Variants in RGS6 observed in about 807,000 individuals in gnomAD.
RGS6 encodes the protein regulator of G protein signaling 6, also known as regulator of G-protein signaling 6.
Under a neutral mutation model 78.5 loss-of-function variants are expected in RGS6, and 30 were observed. The ratio of observed to expected loss-of-function variants is 0.38; its 90% CI spans 0.29 to 0.52. The LOEUF (loss-of-function observed/expected upper bound fraction) is 0.52, where lower values mean the gene tolerates loss of function less well. RGS6 is among the 20% of genes least tolerant of loss of function. The pLI, the probability that RGS6 is intolerant of heterozygous loss-of-function variation, is 0.85. For synonymous variants in RGS6, 206 were observed against 206.0 expected, an observed-to-expected ratio of 1.00 and a Z score of 0.00; for missense variants, 495 against 609.7, an observed-to-expected ratio of 0.81 and a Z score of 1.98.
At chr14:72,184,115 G>A (rs1567406843) in intron 2 of RGS6, among the ~76,000 whole-genome samples, 1 of 151,906 alleles carries the variant, frequency 6.6e-6, no homozygotes, top group Non-Finnish European at 1.5e-5. Context: ...CCTCTACTTA[G>A]CCCAATCTCA....
Position 72,047,269 on chromosome 14 carries a change from T to G in RGS6, c.84+82394T>G, listed in dbSNP as rs555715914. On this transcript the variant is annotated intron_variant, in intron 2 of 17. Coordinates refer to ENST00000553525, the MANE Select transcript of RGS6 (RefSeq NM_001204424.2). ...ATAGAAGCCCATGATTAAACAATGT[T>G]GTTTCTGGAAAGAATAATAGAAATG... Among the ~76,000 whole-genome samples, 6 of 152,292 alleles carry G rather than the reference T, an allele frequency of 3.9e-5. No individual in the cohort carries two copies. The South Asian group carries it at 1.0e-3, about 26-fold the overall frequency.
intron 2 of RGS6, among the ~76,000 whole-genome samples, chr14:72,168,331 C>A (rs2096958314): frequency 6.6e-6 from 1 of 152,118 alleles, no homozygotes; most frequent in South Asian, 2.1e-4. Context: ...GGAATGTAGG[C>A]TCAGGAAAGG....
intron 2 of RGS6, among the ~76,000 whole-genome samples, chr14:72,288,038 C>T (rs847337): frequency 3.3e-5 from 5 of 152,202 alleles, no homozygotes; most frequent in African/African-American, 9.6e-5. Context: ...CAGGGATATT[C>T]GCCTATAGTT....
chr14:71,869,730 G>C, the RGS6 span, among the ~76,000 whole-genome samples: 1 of 152,146 alleles, frequency 6.6e-6, no homozygotes, highest in Admixed American at 6.5e-5. Context: ...AGTTGCCATG[G>C]TTTGAATATT....
chr14:72,545,302 C>T (rs151014748), intron 17 of RGS6, among the ~76,000 whole-genome samples: 51 of 152,320 alleles, frequency 3.3e-4, no homozygotes, highest in African/African-American at 1.2e-3. Flanking sequence ...AGACTTCCAT[C>T]GAAGTGTTTG....
the RGS6 span, among the ~76,000 whole-genome samples, chr14:72,628,320 T>C: frequency 5.3e-5 from 8 of 152,100 alleles, no homozygotes; most frequent in Non-Finnish European, 1.0e-4. Flanking sequence ...TTATCATAAA[T>C]AGATATTTTA....
Position 72,221,772 on chromosome 14 carries a change from G to C in RGS6, c.85-130323G>C, listed in dbSNP as rs150025973. Among the ~76,000 whole-genome samples, 677 of 152,270 alleles carry C rather than the reference G, an allele frequency of 4.4e-3. 9 individuals are homozygous for C. Among genetic ancestry groups the C allele is most frequent in the African/African-American group, 0.016 (658 of 41,544 alleles). The stretch of plus-strand genomic sequence containing the variant: ...GAGTTTCACTGATTTTGCTAATTTA[G>C]ATCCCATACCAACACTTTATTCAAT... On this transcript the variant is annotated intron_variant, in intron 2 of 17. Transcript: ENST00000553525.
chr14:72,300,630 G>A (rs117274618), intron 2 of RGS6, among the ~76,000 whole-genome samples: 337 of 152,270 alleles, frequency 2.2e-3, no homozygotes, highest in Non-Finnish European at 3.4e-3. Context: ...GAAACGTCTC[G>A]AAATGGCATT....
intron 2 of RGS6, among the ~76,000 whole-genome samples, chr14:72,198,003 C>T (rs538866917): frequency 1.3e-5 from 2 of 152,124 alleles, no homozygotes; most frequent in African/African-American, 2.4e-5. Flanking sequence ...CCTGACTTAT[C>T]TCAGTCCTCT....
chr14:71,872,627 T>C, the RGS6 span, among the ~76,000 whole-genome samples: 5 of 152,196 alleles, frequency 3.3e-5, no homozygotes, highest in Non-Finnish European at 7.3e-5. Context: ...CAGTAAGTTT[T>C]TTTTGTGAAT....
intron 17 of RGS6, among the ~76,000 whole-genome samples, chr14:72,541,857 G>C (rs985529105): frequency 6.6e-6 from 1 of 152,214 alleles, no homozygotes; most frequent in Non-Finnish European, 1.5e-5. Flanking sequence ...TGAGTATCAA[G>C]AAAGGCAAGA....
chr14:72,205,436 T>G (rs1439949617), intron 2 of RGS6, among the ~76,000 whole-genome samples: 1 of 152,182 alleles, frequency 6.6e-6, no homozygotes, highest in Non-Finnish European at 1.5e-5. Context: ...TATTTAAAAT[T>G]TTTCAAAATG....
At chr14:72,309,542 A>G (rs1208392645) in intron 2 of RGS6, among the ~76,000 whole-genome samples, 1 of 152,204 alleles carries the variant, frequency 6.6e-6, no homozygotes, top group Non-Finnish European at 1.5e-5. Flanking sequence ...GGTAGTTTGT[A>G]TATTTGCACT....
At chr14:72,221,882 C>T (rs1238771938) in intron 2 of RGS6, among the ~76,000 whole-genome samples, 2 of 152,130 alleles carry the variant, frequency 1.3e-5, no homozygotes, top group African/African-American at 4.8e-5. Context: ...CCATTAACCC[C>T]ACTTGTTTGC....
intron 3 of RGS6, among the ~76,000 whole-genome samples, chr14:72,353,403 A>G (rs2079525909): frequency 6.6e-6 from 1 of 152,218 alleles, no homozygotes; most frequent in Non-Finnish European, 1.5e-5. Flanking sequence ...CCAGGGAACT[A>G]TTGATACTGG....
chr14:72,013,325 T>C (rs868023521), intron 2 of RGS6, among the ~76,000 whole-genome samples: 45 of 136,084 alleles, frequency 3.3e-4, no homozygotes, highest in Admixed American at 2.5e-3. Flanking sequence ...AGCATAGTTA[T>C]AGTATTCAGT....
intron 2 of RGS6, among the ~76,000 whole-genome samples, chr14:72,142,468 A>C (rs540483812): frequency 9.2e-5 from 14 of 152,330 alleles, no homozygotes; most frequent in Non-Finnish European, 1.8e-4. Context: ...CCAGGCCTGC[A>C]TGAAAATCAC....
intron 2 of RGS6, among the ~76,000 whole-genome samples, chr14:72,054,047 T>C (rs1337501772): frequency 6.6e-6 from 1 of 152,222 alleles, no homozygotes; most frequent in Non-Finnish European, 1.5e-5. Context: ...TTCCATAACT[T>C]CTATCATTTA....
intron 2 of RGS6, among the ~76,000 whole-genome samples, chr14:72,102,176 C>T (rs2095541969): frequency 6.6e-6 from 1 of 152,190 alleles, no homozygotes; most frequent in African/African-American, 2.4e-5. Flanking sequence ...TCCAAATGTA[C>T]TCATCAGTGA....
Sources: gnomAD v4.1 joint callset for allele counts (sites outside exome capture counted in the v4.1 genomes callset) on GRCh38, gnomAD v4.1.1 for gene constraint, MANE v1.5 for transcripts, NCBI Gene and HGNC (gene_info 2026-07-23, HGNC 2026-07-21) for gene names.